Variants in FRMD8 observed in about 807,000 individuals in gnomAD.
The protein encoded by FRMD8 is FERM domain containing 8, also known as FERM domain-containing protein 8.
In FRMD8, 37 loss-of-function variants were observed where a neutral mutation model predicts 54.2. The observed-to-expected ratio is 0.68, with a 90% CI of 0.53 to 0.90. The LOEUF is 0.90. Ranked by LOEUF, FRMD8 falls within the 40% of genes least tolerant of loss-of-function variation. The probability of loss-of-function intolerance (pLI) is 0.00; values close to 1 mark genes in which losing one functional copy is unlikely to be tolerated. For missense variants in FRMD8, 585 were observed against 653.7 expected (o/e 0.89, Z 1.15); for synonymous variants, 246 against 286.9 (o/e 0.86, Z 1.44).
upstream of FRMD8, chr11:65,382,251 G>T (rs1855611158): frequency 2.1e-6 from 1 of 483,670 alleles, no homozygotes; most frequent in African/African-American, 1.9e-5. This position sits in a 1 kb window ranked among gnomAD's most constrained non-coding sequence, Gnocchi z 4.4. Context: ...TGGCAACTGG[G>T]TTCCTGCCCC....
chr11:65,387,750 G>C (rs1855762686), intron 2 of FRMD8, among the ~76,000 whole-genome samples: 1 of 152,106 alleles, frequency 6.6e-6, no homozygotes, highest in South Asian at 2.1e-4. Flanking sequence ...GTGTTAGCCA[G>C]GATGGTCTCG....
rs111468240 is a variant in FRMD8, at chr11:65,407,953, C to T, written c.1276+2885C>T. Among the ~76,000 whole-genome samples, 25 of 151,724 alleles carry T rather than the reference C, an allele frequency of 1.6e-4. 1 individual carries two copies. Among genetic ancestry groups the T allele is most frequent in the African/African-American group, 5.6e-4 (23 of 41,388 alleles). On this transcript the variant is annotated intron_variant, in intron 10 of 10. Transcript: ENST00000317568. ...CAGCCATGCGCATGAGGAGGGCGGG[C>T]CCAGCTGTGGCCGTCAGCGGCTGTA...
chr11:65,372,079 T>G, the FRMD8 span, among the ~76,000 whole-genome samples: 1 of 151,838 alleles, frequency 6.6e-6, no homozygotes, highest in Non-Finnish European at 1.5e-5. Flanking sequence ...GCCTGGCTAA[T>G]TTTTGTGTTT....
intron 9 of FRMD8, among the ~76,000 whole-genome samples, chr11:65,402,447 T>G (rs1170174980): frequency 6.6e-6 from 1 of 152,236 alleles, no homozygotes; most frequent in Non-Finnish European, 1.5e-5. Flanking sequence ...GGATTCCCTC[T>G]TCTAAACCAC....
chr11:65,400,658 G>C lies in FRMD8; in HGVS notation c.928-66G>C, dbSNP rs374506024. On this transcript the variant is annotated intron_variant, in intron 8 of 10. Coordinates refer to ENST00000317568, the MANE Select transcript of FRMD8 (RefSeq NM_031904.5). This position sits in a 1 kb window ranked among gnomAD's most constrained non-coding sequence, Gnocchi z 4.3. ...ACACACCCTGGCCAGGTGTCTGAGTGGGATGGGGTGGGGAGCAGACCTCTG... is the reference window on the plus strand; with the variant it reads ...ACACACCCTGGCCAGGTGTCTGAGTCGGATGGGGTGGGGAGCAGACCTCTG... 1.6e-3 allele frequency: 2,287 copies of C among 1,452,668 alleles called. 56 individuals are homozygous for C. The South Asian group carries it at 0.03, about 19-fold the overall frequency. 90.0% of individuals were successfully genotyped at this position (1,452,668 alleles called of 1,614,324 possible). A position where few individuals can be genotyped will look rare whatever the true frequency, so the allele number is the denominator to read the frequency against.
At chr11:65,411,097 G>A (rs1309781174) in intron 10 of FRMD8, 145 bp from the exon 11 acceptor site, 1 of 606,826 alleles carries the variant, frequency 1.6e-6, no homozygotes, top group African/African-American at 1.9e-5. Flanking sequence ...TGCTGAGCGG[G>A]GCTGAGGCTC....
chr11:65,405,110 G>A, intron 10 of FRMD8, 42 bp downstream of exon 10: 1 of 1,579,162 alleles, frequency 6.3e-7, no homozygotes, highest in East Asian at 2.2e-5. Context: ...AAACACGCAT[G>A]CGCGTGCACA....
chr11:65,373,680 A>T, the FRMD8 span, among the ~76,000 whole-genome samples: 1 of 152,128 alleles, frequency 6.6e-6, no homozygotes, highest in Admixed American at 6.5e-5. Flanking sequence ...TCAACCTCCC[A>T]GGTTCAAACA....
At chr11:65,395,068 G>A (rs1338835953) in intron 6 of FRMD8, among the ~76,000 whole-genome samples, 1 of 151,854 alleles carries the variant, frequency 6.6e-6, no homozygotes, top group Non-Finnish European at 1.5e-5. Flanking sequence ...CCAACATGGT[G>A]AAACCCCATC....
intron 3 of FRMD8, among the ~76,000 whole-genome samples, chr11:65,393,208 T>C (rs1855877525): frequency 6.6e-6 from 1 of 152,186 alleles, no homozygotes; most frequent in Admixed American, 6.5e-5. Flanking sequence ...CAGTTGTCAA[T>C]TTCCAGTTCT....
intron 4 of FRMD8, 120 bp downstream of exon 4, chr11:65,393,794 T>C: frequency 2.2e-6 from 2 of 895,116 alleles, no homozygotes; most frequent in South Asian, 1.5e-5. Context: ...AGGGCCTGCA[T>C]CTCCCCCAGG....
intron 6 of FRMD8, among the ~76,000 whole-genome samples, chr11:65,394,909 G>A (rs72937115): frequency 0.024 from 3,709 of 152,348 alleles, 70 homozygotes; most frequent in Non-Finnish European, 0.041. Context: ...AGCCCAGGCC[G>A]GTCTCTGGTC....
At chr11:65,384,983 T>C (rs1565592039), upstream of FRMD8, among the ~76,000 whole-genome samples, 1 of 152,072 alleles carries the variant, frequency 6.6e-6, no homozygotes, top group Admixed American at 6.6e-5. Context: ...AGTGCTGTGG[T>C]TTTAAATGTG....
In FRMD8 at chr11:65,411,412, GTCC is replaced by G. The variant is rs777648527; in HGVS notation, c.*57_*59del. The G allele has an allele frequency of 4.7e-5, 59 of 1,257,300 alleles. No individual in the cohort carries two copies. The highest frequency in any genetic ancestry group is 6.1e-5 in the Non-Finnish European group (56 of 914,028). 77.9% of individuals were successfully genotyped at this position (1,257,300 alleles called of 1,614,324 possible). Reference sequence around the variant, plus strand: ...CGACTGGGGGCCCTGGCCCGGCACTGTCCTCCTGAGGGGCAGGCGCCGGCTGCA... The same window carrying G: ...CGACTGGGGGCCCTGGCCCGGCACTGTCCTGAGGGGCAGGCGCCGGCTGCA... On this transcript the variant is annotated 3_prime_UTR_variant, in exon 11 of 11. Coordinates refer to ENST00000317568, the MANE Select transcript of FRMD8 (RefSeq NM_031904.5).
Position 65,412,378 on chromosome 11 carries a change from G to A in FRMD8, c.*1018G>A, listed in dbSNP as rs1273255359. On this transcript the variant is annotated 3_prime_UTR_variant, in exon 11 of 11. Coordinates refer to ENST00000317568, the MANE Select transcript of FRMD8 (RefSeq NM_031904.5). The stretch of plus-strand genomic sequence containing the variant: ...TGCGCTCCTTCCCAGGTGGCGCCAT[G>A]GATTCCTCTGGGGGCTGGCGCATGC... 1 of 152,328 alleles carries A rather than the reference G, an allele frequency of 6.6e-6. No individual in the cohort carries two copies. Among genetic ancestry groups the A allele is most frequent in the Non-Finnish European group, 1.5e-5 (1 of 68,110 alleles). The allele number at this position is 152,328 out of a possible 1,614,324, so 9.4% of individuals were successfully genotyped here.
chr11:65,383,899 C>A (rs1855686270), upstream of FRMD8, among the ~76,000 whole-genome samples: 1 of 152,254 alleles, frequency 6.6e-6, no homozygotes, highest in African/African-American at 2.4e-5. Flanking sequence ...AAGGTGAACC[C>A]AATGGGCGGT....
At position 65,387,070 on chromosome 11, in the gene FRMD8, G is replaced by A. The variant is rs529596076; in HGVS notation, c.34G>A (p.Gly12Ser). The change falls in exon 2 of 11, where the codon GGC (glycine) becomes AGC (serine). Residue 12 changes from glycine to serine, a missense_variant. By Grantham distance (56) the Gly-to-Ser change is moderately conservative. Coordinates refer to ENST00000317568, the MANE Select transcript of FRMD8 (RefSeq NM_031904.5). ...GACAGAAGGCAGTGCCGGGCAGCCCGGCCCCGCTGAGCGATCCCACCGAAG... is the reference window on the plus strand; with the variant it reads ...GACAGAAGGCAGTGCCGGGCAGCCCAGCCCCGCTGAGCGATCCCACCGAAG... ...DGTEGSAGQP[G>S]PAERSHRSSV... 2.5e-6 allele frequency: 4 copies of A among 1,609,092 alleles called. No individual in the cohort carries two copies. Among genetic ancestry groups the A allele is most frequent in the East Asian group, 2.2e-5 (1 of 44,870 alleles).
chr11:65,370,968 G>A, the FRMD8 span, among the ~76,000 whole-genome samples: 3 of 152,142 alleles, frequency 2.0e-5, no homozygotes, highest in Admixed American at 6.6e-5. Context: ...TTGGCATGGC[G>A]GGGGTGAAGA....
chr11:65,373,948 G>T, the FRMD8 span, among the ~76,000 whole-genome samples: 2 of 152,146 alleles, frequency 1.3e-5, no homozygotes, highest in African/African-American at 4.8e-5. Flanking sequence ...CACTGACTTA[G>T]AAACTCACAG....
Sources: allele counts gnomAD v4.1 joint callset (sites outside exome capture counted in the v4.1 genomes callset), GRCh38; gene constraint gnomAD v4.1.1; non-coding constraint Gnocchi (gnomAD v3.1); transcripts MANE v1.5; gene names NCBI Gene and HGNC (gene_info 2026-07-23, HGNC 2026-07-21).